OSBP2: variants seen among roughly 807,000 people sequenced by gnomAD.
OSBP2 encodes the protein oxysterol-binding protein 2.
Under a neutral mutation model 96.0 loss-of-function variants are expected in OSBP2, and 66 were observed. That is an observed-to-expected ratio of 0.69 (90% CI 0.56 to 0.84). OSBP2 has a LOEUF of 0.84. OSBP2 is among the 40% of genes least tolerant of loss of function. The probability of loss-of-function intolerance (pLI) is 0.00; values close to 1 mark genes in which losing one functional copy is unlikely to be tolerated. For missense variants in OSBP2, 1,038 were observed against 1,222.7 expected, an observed-to-expected ratio of 0.85 and a Z score of 2.25; for synonymous variants, 525 against 520.9, an observed-to-expected ratio of 1.01 and a Z score of -0.11.
At chr22:30,788,611 G>A (rs1256305873) in intron 2 of OSBP2, among the ~76,000 whole-genome samples, 3 of 152,174 alleles carry the variant, frequency 2.0e-5, no homozygotes, top group Non-Finnish European at 4.4e-5. Context: ...GATTATCACC[G>A]TAGCTCCAGC....
chr22:30,731,160 T>C (rs1452824265), intron 1 of OSBP2, among the ~76,000 whole-genome samples: 2 of 151,174 alleles, frequency 1.3e-5, no homozygotes, highest in Admixed American at 1.3e-4. Flanking sequence ...GGCGGCAGAG[T>C]GAGACTCCAT....
Position 30,695,356 on chromosome 22 carries a change from C to T in OSBP2, c.447C>T (p.Pro149=). ...PESGSLPALK[P]LPLLRPGQAK... Reference sequence around the variant, plus strand: ...CAGGATCGCTGCCAGCGTTAAAGCCCCTGCCTCTTCTGCGACCAGGACAGG... The same window carrying T: ...CAGGATCGCTGCCAGCGTTAAAGCCTCTGCCTCTTCTGCGACCAGGACAGG... The change falls in exon 1 of 14, where the codon CCC becomes CCT. Residue 149 remains proline, a synonymous_variant. Coordinates refer to ENST00000332585, the MANE Select transcript of OSBP2 (RefSeq NM_030758.4). 5 of 1,613,824 alleles carry T rather than the reference C, an allele frequency of 3.1e-6. No homozygotes were observed. The highest frequency in any genetic ancestry group is 1.3e-5 in the African/African-American group (1 of 75,046).
chr22:30,697,892 C>T (rs2089078139), intron 1 of OSBP2, among the ~76,000 whole-genome samples: 3 of 152,220 alleles, frequency 2.0e-5, no homozygotes, highest in Non-Finnish European at 4.4e-5. Context: ...ATGAATGAAC[C>T]TCAATGGCCT....
At position 30,890,802 on chromosome 22, in the gene OSBP2, G is replaced by T. The variant is rs1163326015; in HGVS notation, c.1698G>T (p.Lys566Asn). The T allele has an allele frequency of 6.2e-7, 1 of 1,613,622 alleles. No homozygotes were observed. Among genetic ancestry groups the T allele is most frequent in the Admixed American group, 1.7e-5 (1 of 60,032 alleles). The part of the protein sequence containing the change: ...EDLEYHHLLD[K>N]AVHCTSSVEQ... Reference sequence around the variant, plus strand: ...TGGAGTACCACCACCTGCTGGACAAGGCAGTGCACTGCACCAGCTCAGTGG... The same window carrying T: ...TGGAGTACCACCACCTGCTGGACAATGCAGTGCACTGCACCAGCTCAGTGG... The change falls in exon 8 of 14, where the codon AAG becomes AAT. Residue 566 changes from lysine (K) to asparagine (N), a missense_variant. Coordinates refer to ENST00000332585, the MANE Select transcript of OSBP2 (RefSeq NM_030758.4). The surrounding 1 kb of genome is among the most constrained non-coding windows in gnomAD (Gnocchi z 4.4).
intron 1 of OSBP2, among the ~76,000 whole-genome samples, chr22:30,720,065 G>A (rs1021118556): frequency 2.0e-5 from 3 of 152,126 alleles, no homozygotes. Flanking sequence ...ATAGGTTTCC[G>A]TGCAACCTCT....
At chr22:30,877,394 G>T (rs149020157) in intron 3 of OSBP2, among the ~76,000 whole-genome samples, 2 of 152,302 alleles carry the variant, frequency 1.3e-5, no homozygotes, top group Non-Finnish European at 2.9e-5. Context: ...ACCATAACGT[G>T]CCTGCCCACA....
At position 30,906,183 on chromosome 22, in the gene OSBP2, T is replaced by C; in HGVS notation, c.2609-14T>C. ...CACAAGCCCACCCACCAGCCCACTG[T>C]GCCTGCCCAGCAGAGAAGGAGGCGG... On this transcript the variant is annotated splice_polypyrimidine_tract_variant and intron_variant, in intron 13 of 13. Coordinates refer to ENST00000332585, the MANE Select transcript of OSBP2 (RefSeq NM_030758.4). 1.9e-6 allele frequency: 3 copies of C among 1,613,858 alleles called. No homozygotes were observed. Among genetic ancestry groups the C allele is most frequent in the Non-Finnish European group, 2.5e-6 (3 of 1,179,992 alleles).
chr22:30,802,294 C>T (rs2090861123), intron 2 of OSBP2, among the ~76,000 whole-genome samples: 1 of 152,204 alleles, frequency 6.6e-6, no homozygotes, highest in Non-Finnish European at 1.5e-5. Context: ...GAGATGTCAT[C>T]AGGCTCTAGC....
intron 2 of OSBP2, among the ~76,000 whole-genome samples, chr22:30,869,451 C>T (rs1602387477): frequency 1.3e-5 from 2 of 152,212 alleles, no homozygotes; most frequent in African/African-American, 4.8e-5. Context: ...GCAGGGAGAT[C>T]GGTGAAGGGG....
intron 12 of OSBP2, among the ~76,000 whole-genome samples, chr22:30,896,832 G>T (rs2040079173): frequency 6.6e-6 from 1 of 151,814 alleles, no homozygotes; most frequent in African/African-American, 2.4e-5. Context: ...ATTTTTTATA[G>T]AGACAGGGTG....
chr22:30,694,909 T>G lies in OSBP2; in HGVS notation c.-1T>G. 7.2e-7 allele frequency: 1 copy of G among 1,395,246 alleles called. No homozygotes were observed. Among genetic ancestry groups the G allele is most frequent in the Non-Finnish European group, 9.3e-7 (1 of 1,074,042 alleles). 86.4% of individuals were successfully genotyped at this position (1,395,246 alleles called of 1,614,324 possible). A position where few individuals can be genotyped will look rare whatever the true frequency, so the allele number is the denominator to read the frequency against. On this transcript the variant is annotated 5_prime_UTR_variant, in exon 1 of 14. Transcript: ENST00000332585. ...CGGCCGCGCGCGGGTCGGCCGGCTCTATGGGGAAAGCGGCGGCTCCGAGCC... is the reference window on the plus strand; with the variant it reads ...CGGCCGCGCGCGGGTCGGCCGGCTCGATGGGGAAAGCGGCGGCTCCGAGCC...
chr22:30,855,238 G>A (rs186760289), intron 2 of OSBP2, among the ~76,000 whole-genome samples: 104 of 152,280 alleles, frequency 6.8e-4, no homozygotes, highest in Middle Eastern at 3.4e-3. Context: ...AGGCTATATA[G>A]TTCTAGGCTT....
chr22:30,798,635 G>C (rs1461770249), intron 2 of OSBP2, among the ~76,000 whole-genome samples: 1 of 152,210 alleles, frequency 6.6e-6, no homozygotes, highest in Non-Finnish European at 1.5e-5. Context: ...TCATTCTTCA[G>C]TATGTGGATA....
In OSBP2 at chr22:30,862,742, G is replaced by A. The variant is rs551274475; in HGVS notation, c.854-7687G>A. Among the ~76,000 whole-genome samples, 3 of 152,108 alleles carry A rather than the reference G, an allele frequency of 2.0e-5. No homozygotes were observed. The South Asian group carries it at 6.2e-4, about 32-fold the overall frequency. ...TAATCCCAGCACTTTGGGAGGCTAA[G>A]GTGGGTGGATCACAAGGTCAGGCGT... On this transcript the variant is annotated intron_variant, in intron 2 of 13. Coordinates refer to ENST00000332585, the MANE Select transcript of OSBP2 (RefSeq NM_030758.4).
chr22:30,852,544 C>G (rs1602358386), intron 2 of OSBP2, among the ~76,000 whole-genome samples: 1 of 151,776 alleles, frequency 6.6e-6, no homozygotes, highest in Non-Finnish European at 1.5e-5. Context: ...CTTGACTGCC[C>G]TAGCTAGAGA....
At chr22:30,780,801 A>G (rs1228925251) in intron 2 of OSBP2, among the ~76,000 whole-genome samples, 1 of 151,938 alleles carries the variant, frequency 6.6e-6, no homozygotes, top group Non-Finnish European at 1.5e-5. Flanking sequence ...CCTGGCCTAC[A>G]ACTAAACTGT....
At chr22:30,886,979 A>G (rs2039823740) in intron 3 of OSBP2, among the ~76,000 whole-genome samples, 1 of 152,174 alleles carries the variant, frequency 6.6e-6, no homozygotes, top group African/African-American at 2.4e-5. Flanking sequence ...CTCCATAGAT[A>G]GAGCAGCCCC....
chr22:30,885,540 T>A (rs187030898), intron 3 of OSBP2, among the ~76,000 whole-genome samples: 67 of 152,336 alleles, frequency 4.4e-4, no homozygotes, highest in South Asian at 2.5e-3. Context: ...AAAGCAGTTA[T>A]GTGATTCAGA....
At chr22:30,770,673 A>G (rs1000784330) in intron 2 of OSBP2, 1 of 152,238 alleles carries the variant, frequency 6.6e-6, no homozygotes, top group African/African-American at 2.4e-5. Context: ...GGAGCATCCA[A>G]GGGGAGAGGT....
Sources: allele counts gnomAD v4.1 joint callset (sites outside exome capture counted in the v4.1 genomes callset), GRCh38; gene constraint gnomAD v4.1.1; non-coding constraint Gnocchi (gnomAD v3.1); transcripts MANE v1.5; gene names NCBI Gene and HGNC (gene_info 2026-07-23, HGNC 2026-07-21).